The following DCLK2 variants were observed in gnomAD, a reference collection of about 807,000 sequenced individuals.
The protein encoded by DCLK2 is serine/threonine-protein kinase DCLK2.
A neutral mutation model predicts 78.4 loss-of-function variants in DCLK2; 31 were observed. That is an observed-to-expected ratio of 0.40 (90% CI 0.30 to 0.53). The LOEUF is 0.53. DCLK2 is among the 20% of genes least tolerant of loss of function. DCLK2 has a pLI of 0.61. For missense variants in DCLK2, 872 were observed against 973.7 expected, an observed-to-expected ratio of 0.90 and a Z score of 1.39; for synonymous variants, 407 against 374.9, an observed-to-expected ratio of 1.09 and a Z score of -0.99.
intron 2 of DCLK2, among the ~76,000 whole-genome samples, chr4:150,139,399 G>T (rs376862308): frequency 6.6e-6 from 1 of 152,148 alleles, no homozygotes; most frequent in Non-Finnish European, 1.5e-5. Context: ...AGGAGTATCC[G>T]TCCAAACTCC....
Position 150,248,393 on chromosome 4 carries a change from C to A in DCLK2, c.1956+8C>A. On this transcript the variant is annotated splice_region_variant and intron_variant, in intron 14 of 15. Coordinates refer to ENST00000296550, the MANE Select transcript of DCLK2 (RefSeq NM_001040260.4). ...AGTCACCCCTGGGTGTCAGTAAGTA[C>A]CCACATTCCCAGGGAATGGGCCTCA... 1 of 1,612,002 alleles carries A rather than the reference C, an allele frequency of 6.2e-7. No homozygotes were observed. Among genetic ancestry groups the A allele is most frequent in the Non-Finnish European group, 8.5e-7 (1 of 1,178,320 alleles).
intron 2 of DCLK2, among the ~76,000 whole-genome samples, chr4:150,179,280 G>A (rs1165453034): frequency 2.6e-5 from 4 of 152,100 alleles, no homozygotes; most frequent in Non-Finnish European, 4.4e-5. Flanking sequence ...CACCCACCTC[G>A]GCCTCCCAAA....
intron 2 of DCLK2, among the ~76,000 whole-genome samples, chr4:150,154,782 G>A (rs1294020489): frequency 6.6e-6 from 1 of 152,066 alleles, no homozygotes; most frequent in African/African-American, 2.4e-5. Flanking sequence ...CTTTACTGGA[G>A]TATAATTTTA....
chr4:150,217,467 T>A (rs1470381760), intron 5 of DCLK2, among the ~76,000 whole-genome samples: 1 of 152,238 alleles, frequency 6.6e-6, no homozygotes, highest in Non-Finnish European at 1.5e-5. Context: ...AGATTTGTGC[T>A]GTAGCAAAAT....
At chr4:150,153,406 G>A (rs1189013741) in intron 2 of DCLK2, among the ~76,000 whole-genome samples, 2 of 151,730 alleles carry the variant, frequency 1.3e-5, no homozygotes, top group Non-Finnish European at 2.9e-5. Context: ...TCCTCTACTT[G>A]ACAAACTTTT....
chr4:150,230,185 G>A (rs1210304345), intron 8 of DCLK2, among the ~76,000 whole-genome samples: 1 of 152,214 alleles, frequency 6.6e-6, no homozygotes, highest in East Asian at 1.9e-4. Context: ...TGGAGGAAAT[G>A]TTGCTGCAGT....
chr4:150,171,754 T>G (rs1258886443), intron 2 of DCLK2, among the ~76,000 whole-genome samples: 4 of 152,158 alleles, frequency 2.6e-5, no homozygotes, highest in Non-Finnish European at 5.9e-5. Context: ...ATAAAATTTG[T>G]GCTTGGAAAT....
At chr4:150,145,801 TC>T (rs1734429446) in intron 2 of DCLK2, among the ~76,000 whole-genome samples, 1 of 152,216 alleles carries the variant, frequency 6.6e-6, no homozygotes, top group Non-Finnish European at 1.5e-5. Flanking sequence ...CAGCTCCTGA[TC>T]TTTTTGGCTG....
chr4:150,097,553 C>T (rs1432130725), intron 1 of DCLK2, among the ~76,000 whole-genome samples: 2 of 152,194 alleles, frequency 1.3e-5, no homozygotes, highest in African/African-American at 2.4e-5. Flanking sequence ...GCCTTCTAAA[C>T]ATATACCCAA....
intron 2 of DCLK2, among the ~76,000 whole-genome samples, chr4:150,105,621 A>G (rs1216183875): frequency 6.6e-6 from 1 of 152,016 alleles, no homozygotes; most frequent in Non-Finnish European, 1.5e-5. Context: ...AACTTTTGCA[A>G]TTTATCCTAA....
At chr4:150,226,446 G>A (rs902768504) in intron 8 of DCLK2, among the ~76,000 whole-genome samples, 11 of 151,876 alleles carry the variant, frequency 7.2e-5, no homozygotes, top group Non-Finnish European at 1.5e-4. Flanking sequence ...ATGTGGTGGT[G>A]TGTGATTTAA....
intron 2 of DCLK2, among the ~76,000 whole-genome samples, chr4:150,165,301 A>C (rs2150249737): frequency 6.6e-6 from 1 of 152,302 alleles, no homozygotes; most frequent in African/African-American, 2.4e-5. Context: ...TCTGTTCTAT[A>C]GATCTGGCAG....
At chr4:150,210,173 A>G (rs888954212) in intron 5 of DCLK2, among the ~76,000 whole-genome samples, 3 of 152,074 alleles carry the variant, frequency 2.0e-5, no homozygotes, top group Non-Finnish European at 4.4e-5. Flanking sequence ...AAGTCACATC[A>G]CCCCTATCTG....
intron 2 of DCLK2, among the ~76,000 whole-genome samples, chr4:150,183,648 T>C (rs1248207320): frequency 6.6e-6 from 1 of 152,138 alleles, no homozygotes; most frequent in Admixed American, 6.6e-5. Flanking sequence ...TTGATAGGAA[T>C]CCATAGAGTA....
intron 1 of DCLK2, among the ~76,000 whole-genome samples, chr4:150,095,764 T>C (rs112729770): frequency 0.033 from 5,070 of 152,320 alleles, 126 homozygotes; most frequent in Non-Finnish European, 0.047. Flanking sequence ...TGTATGAAGG[T>C]TCCTATTGCT....
chr4:150,204,297 G>A (rs1739677631), intron 5 of DCLK2, among the ~76,000 whole-genome samples: 1 of 152,138 alleles, frequency 6.6e-6, no homozygotes, highest in African/African-American at 2.4e-5. Flanking sequence ...TTTGTCAAAA[G>A]CCTAAAATGA....
In DCLK2 at chr4:150,194,565, C is replaced by T. The variant is rs185961279; in HGVS notation, c.859+1325C>T. Reference sequence around the variant, plus strand: ...ATTGGTCCTGGGAATACTGTTTTACCCTATTGTCTTAAATTGCTTTAAACC... The same window carrying T: ...ATTGGTCCTGGGAATACTGTTTTACTCTATTGTCTTAAATTGCTTTAAACC... On this transcript the variant is annotated intron_variant, in intron 3 of 15. Coordinates refer to ENST00000296550, the MANE Select transcript of DCLK2 (RefSeq NM_001040260.4). Among the ~76,000 whole-genome samples, 247 of 152,022 alleles carry T rather than the reference C, an allele frequency of 1.6e-3. 1 individual carries two copies. Among genetic ancestry groups the T allele is most frequent in the African/African-American group, 4.6e-3 (192 of 41,466 alleles).
At chr4:150,123,534 C>A (rs1474589865) in intron 2 of DCLK2, among the ~76,000 whole-genome samples, 2 of 152,152 alleles carry the variant, frequency 1.3e-5, no homozygotes, top group Non-Finnish European at 2.9e-5. Flanking sequence ...AATAATAAAG[C>A]AGTCTGAAAT....
chr4:150,079,731 T>C (rs1729107540), intron 1 of DCLK2, among the ~76,000 whole-genome samples: 1 of 152,222 alleles, frequency 6.6e-6, no homozygotes, highest in Non-Finnish European at 1.5e-5. Flanking sequence ...GTTGAACTTA[T>C]TTGTATTGAA....
Sources: allele counts gnomAD v4.1 joint callset (sites outside exome capture counted in the v4.1 genomes callset), GRCh38; gene constraint gnomAD v4.1.1; transcripts MANE v1.5; gene names NCBI Gene and HGNC (gene_info 2026-07-23, HGNC 2026-07-21).